Variants in KANK4 observed in about 807,000 individuals in gnomAD.
KANK4 encodes the protein KN motif and ankyrin repeat domain-containing protein 4.
A neutral mutation model predicts 80.8 loss-of-function variants in KANK4; 50 were observed. That is an observed-to-expected ratio of 0.62 (90% CI 0.49 to 0.78). The LOEUF is 0.78. KANK4 is among the 30% of genes least tolerant of loss of function. The pLI is 0.00. For synonymous variants in KANK4, 465 were observed against 506.9 expected (o/e 0.92, Z 1.11); for missense variants, 1,196 against 1,240.1 (o/e 0.96, Z 0.53).
chr1:62,275,676 C>G (rs1325083324), intron 2 of KANK4, among the ~76,000 whole-genome samples: 1 of 152,156 alleles, frequency 6.6e-6, no homozygotes, highest in African/African-American at 2.4e-5. Context: ...ATGCACAGAT[C>G]AGAGAGAGCT....
intron 8 of KANK4, 40 bp from the exon 9 acceptor site, chr1:62,247,712 A>G (rs1385895729): frequency 2.5e-6 from 4 of 1,579,838 alleles, no homozygotes; most frequent in South Asian, 1.1e-5. Flanking sequence ...GGTTGCTGCC[A>G]GTGGGGAAGG....
At chr1:62,301,509 T>C (rs957094678) in intron 1 of KANK4, among the ~76,000 whole-genome samples, 5 of 151,980 alleles carry the variant, frequency 3.3e-5, no homozygotes, top group Non-Finnish European at 7.4e-5. Flanking sequence ...TATTAAATTA[T>C]GAAAACAGCG....
At chr1:62,278,991 C>T (rs1438501607) in intron 2 of KANK4, among the ~76,000 whole-genome samples, 1 of 152,106 alleles carries the variant, frequency 6.6e-6, no homozygotes, top group Non-Finnish European at 1.5e-5. Flanking sequence ...CTGCTTATTG[C>T]CTCAATTCAC....
intron 2 of KANK4, among the ~76,000 whole-genome samples, chr1:62,278,385 CTT>C (rs1557493542): frequency 2.2e-5 from 1 of 44,656 alleles, no homozygotes; most frequent in Non-Finnish European, 4.6e-5. Context: ...TCCTTTCTTT[CTT>C]TCTTTCTTTC....
intron 1 of KANK4, among the ~76,000 whole-genome samples, chr1:62,313,775 G>A (rs1173449881): frequency 1.3e-4 from 20 of 152,110 alleles, no homozygotes; most frequent in African/African-American, 4.8e-4. Flanking sequence ...TAGATGACGG[G>A]TTGATAGGTG....
At chr1:62,249,667 C>G (rs989260182) in intron 8 of KANK4, among the ~76,000 whole-genome samples, 7 of 151,678 alleles carry the variant, frequency 4.6e-5, no homozygotes, top group Non-Finnish European at 7.4e-5. Flanking sequence ...CTCAGCCTCC[C>G]GAGTAGCTGG....
rs770974117 is a variant in KANK4 at position 62,274,617 on chromosome 1, A to G, written c.487T>C (p.Ser163Pro). The change falls in exon 3 of 10, where the codon TCC (serine) becomes CCC (proline). Residue 163 changes from serine (S) to proline (P), a missense_variant. By Grantham distance (74) the Ser-to-Pro change is moderately conservative. Around this residue, in one of 3 missense-constraint regions of KANK4, gnomAD observed 1,154 missense variants for 1,179.6 expected, o/e 0.98. Coordinates refer to ENST00000371153, the MANE Select transcript of KANK4 (RefSeq NM_181712.5). The part of the protein sequence containing the change: ...GSGRPQLLRA[S>P]SMPATLLHSR... ...TGCAGCAGCGTGGCAGGCATGCTGG[A>G]TGCTCTCAAGAGCTGGGGCCGTCCA... 1.2e-6 allele frequency: 2 copies of G among 1,614,010 alleles called. No homozygotes were observed. The highest frequency in any genetic ancestry group is 4.5e-5 in the East Asian group (2 of 44,890).
chr1:62,249,255 G>C (rs1240459866), intron 8 of KANK4, among the ~76,000 whole-genome samples: 1 of 151,702 alleles, frequency 6.6e-6, no homozygotes, highest in Admixed American at 6.6e-5. Flanking sequence ...TAAATATAAT[G>C]ATGTACAGTA....
chr1:62,262,632 C>T (rs1033638369), intron 7 of KANK4, among the ~76,000 whole-genome samples: 20 of 151,924 alleles, frequency 1.3e-4, no homozygotes, highest in African/African-American at 4.4e-4. Flanking sequence ...GTTATATATA[C>T]GTATATGCAC....
intron 1 of KANK4, among the ~76,000 whole-genome samples, chr1:62,302,733 TC>T (rs1481991978): frequency 1.3e-5 from 2 of 152,154 alleles, no homozygotes; most frequent in African/African-American, 4.8e-5. Context: ...ACCCAGGACT[TC>T]CAGCCTCCAG....
intron 8 of KANK4, among the ~76,000 whole-genome samples, chr1:62,250,640 C>T (rs1458258191): frequency 5.9e-5 from 9 of 152,210 alleles, no homozygotes; most frequent in African/African-American, 2.2e-4. Flanking sequence ...GCATCAGTTT[C>T]TTCTCTGTAC....
intron 1 of KANK4, among the ~76,000 whole-genome samples, chr1:62,303,436 T>A (rs1445643180): frequency 6.6e-6 from 1 of 151,954 alleles, no homozygotes; most frequent in East Asian, 1.9e-4. Context: ...CGAGCAGCCA[T>A]GATGTGTTAT....
At chr1:62,290,401 C>T (rs1362975904) in intron 1 of KANK4, among the ~76,000 whole-genome samples, 1 of 152,164 alleles carries the variant, frequency 6.6e-6, no homozygotes, top group African/African-American at 2.4e-5. Flanking sequence ...GCTGCATGGG[C>T]TTTGAGGTAA....
At chr1:62,278,337 C>CTTTCTTTT (rs1557493348) in intron 2 of KANK4, among the ~76,000 whole-genome samples, 1 of 17,824 alleles carries the variant, frequency 5.6e-5, no homozygotes, top group African/African-American at 5.6e-4. Context: ...TCCTTCCTTC[C>CTTTCTTTT]TTCCTTCCTT....
At chr1:62,279,212 A>G (rs956816459) in intron 2 of KANK4, among the ~76,000 whole-genome samples, 1 of 151,318 alleles carries the variant, frequency 6.6e-6, no homozygotes, top group African/African-American at 2.4e-5. Context: ...ACACACACAC[A>G]CACACACACA....
intron 1 of KANK4, among the ~76,000 whole-genome samples, chr1:62,315,466 G>A (rs1644531225): frequency 6.6e-6 from 1 of 152,138 alleles, no homozygotes; most frequent in Non-Finnish European, 1.5e-5. Context: ...GCTTGACTAT[G>A]CCAGGGATCG....
intron 7 of KANK4, among the ~76,000 whole-genome samples, chr1:62,254,727 A>AT (rs1295200214): frequency 9.1e-4 from 129 of 141,690 alleles, no homozygotes; most frequent in African/African-American, 3.0e-3. Context: ...CTGATTTTTT[A>AT]TTTTTTTTTA....
chr1:62,310,287 G>C (rs1360042103), intron 1 of KANK4, among the ~76,000 whole-genome samples: 2 of 152,168 alleles, frequency 1.3e-5, no homozygotes, highest in Non-Finnish European at 2.9e-5. Context: ...CTAGGTAAGT[G>C]GTAAGGTTTC....
chr1:62,270,885 G>A (rs1362080118), intron 4 of KANK4, among the ~76,000 whole-genome samples: 1 of 152,086 alleles, frequency 6.6e-6, no homozygotes, highest in African/African-American at 2.4e-5. Flanking sequence ...TGAGCTAAAG[G>A]CAGAGACCTT....
Sources: allele counts gnomAD v4.1 joint callset (sites outside exome capture counted in the v4.1 genomes callset), GRCh38; gene constraint gnomAD v4.1.1; regional missense constraint gnomAD v4.1.1; transcripts MANE v1.5; gene names NCBI Gene and HGNC (gene_info 2026-07-23, HGNC 2026-07-21).